The following PCDHGC3 variants were observed in gnomAD, a reference collection of about 807,000 sequenced individuals.
The protein encoded by PCDHGC3 is protocadherin gamma-C3.
PCDHGC3 carries 26 observed loss-of-function variants against 59.2 expected under a neutral mutation model. The ratio of observed to expected loss-of-function variants is 0.44; its 90% CI spans 0.32 to 0.61. The LOEUF (loss-of-function observed/expected upper bound fraction) is 0.61. Ranked by LOEUF, PCDHGC3 falls within the 20% of genes least tolerant of loss-of-function variation. The probability of loss-of-function intolerance (pLI) is 0.05; values close to 1 mark genes in which losing one functional copy is unlikely to be tolerated. For synonymous variants in PCDHGC3, 487 were observed against 519.7 expected, an observed-to-expected ratio of 0.94 and a Z score of 0.86; for missense variants, 1,080 against 1,221.8, an observed-to-expected ratio of 0.88 and a Z score of 1.73.
intron 2 of PCDHGC3, among the ~76,000 whole-genome samples, chr5:141,501,258 T>G (rs2099806611): frequency 1.3e-5 from 2 of 150,950 alleles, no homozygotes; most frequent in South Asian, 4.2e-4. Flanking sequence ...GGGAGTATTT[T>G]ATTATAGTCC....
At chr5:141,495,255 G>A (rs1055329757) in intron 2 of PCDHGC3, among the ~76,000 whole-genome samples, 5 of 152,212 alleles carry the variant, frequency 3.3e-5, no homozygotes, top group African/African-American at 1.2e-4. Flanking sequence ...GGCTCAGGCA[G>A]AAAAGCATTT....
chr5:141,501,715 C>G lies in PCDHGC3; in HGVS notation c.2490-3678C>G, dbSNP rs139761188. On this transcript the variant is annotated intron_variant, in intron 2 of 3. Coordinates refer to ENST00000308177, the MANE Select transcript of PCDHGC3 (RefSeq NM_002588.4). ...AGGGTGATTCCGAGGATAAAAAAGA[C>G]AAATATATTACCCAGTCAGCTTAGA... 1.3e-3 allele frequency among the ~76,000 whole-genome samples: 192 copies of G among 152,192 alleles called. 1 individual carries two copies. The highest frequency in any genetic ancestry group is 4.5e-3 in the African/African-American group (185 of 41,512).
In PCDHGC3 at chr5:141,477,510, A is replaced by G; in HGVS notation, c.1394A>G (p.Tyr465Cys). Residue 465 changes from tyrosine (Y) to cysteine (C), a missense_variant, in exon 1 of 4, where the codon TAC becomes TGC. By Grantham distance (194) the Tyr-to-Cys change is radical (BLOSUM62 -2). Transcript: ENST00000308177. This position sits in a 1 kb window ranked among gnomAD's most constrained non-coding sequence, Gnocchi z 4.9. ...PQSSQSSYDV[Y>C]IEENNLPGAP... is the part of the protein sequence containing the mutation. ...TCTTCTCAATCTTCCTACGACGTTT[A>G]CATTGAAGAAAACAACCTCCCCGGG... is the stretch of plus-strand genomic sequence containing the variant. 3 of 1,614,172 alleles carry G rather than the reference A, an allele frequency of 1.9e-6. No homozygotes were observed. Among genetic ancestry groups the G allele is most frequent in the Non-Finnish European group, 2.5e-6 (3 of 1,180,018 alleles).
chr5:141,511,411 A>T lies in PCDHGC3; in HGVS notation c.*238A>T. On this transcript the variant is annotated 3_prime_UTR_variant, in exon 4 of 4. Transcript: ENST00000308177. ...GAACCCCCATCCAATCAACTGCTGTACCCATGGGGGTAGTGGGGTTACTGT... is the reference window on the plus strand; with the variant it reads ...GAACCCCCATCCAATCAACTGCTGTTCCCATGGGGGTAGTGGGGTTACTGT... 1.1e-6 allele frequency: 1 copy of T among 901,334 alleles called. No individual in the cohort carries two copies. Among genetic ancestry groups the T allele is most frequent in the Non-Finnish European group, 1.6e-6 (1 of 617,750 alleles). 55.8% of individuals were successfully genotyped at this position (901,334 alleles called of 1,614,324 possible).
At position 141,491,733 on chromosome 5, in the gene PCDHGC3, TGGGGGCGGCAC is replaced by T; in HGVS notation, c.2431-3073_2431-3063del. 1.9e-6 allele frequency: 3 copies of T among 1,602,698 alleles called. No individual in the cohort carries two copies. The highest frequency in any genetic ancestry group is 2.6e-6 in the Non-Finnish European group (3 of 1,175,258). On this transcript the variant is annotated intron_variant, in intron 1 of 3. Coordinates refer to ENST00000308177, the MANE Select transcript of PCDHGC3 (RefSeq NM_002588.4). The surrounding 1 kb of genome is among the most constrained non-coding windows in gnomAD (Gnocchi z 6.9). ...GCTCGGCGCCGCCCCGGGCGACCCC[TGGGGGCGGCAC>T]TGGAGAAGCCGCCCGTCCTCATAAG...
At chr5:141,484,437 T>C (rs2099596528) in intron 1 of PCDHGC3, among the ~76,000 whole-genome samples, 1 of 152,232 alleles carries the variant, frequency 6.6e-6, no homozygotes, top group African/African-American at 2.4e-5. Context: ...ATGTACTGCA[T>C]AAATTTAATT....
chr5:141,482,503 C>A (rs375429072), intron 1 of PCDHGC3, among the ~76,000 whole-genome samples: 2 of 136,154 alleles, frequency 1.5e-5, no homozygotes, highest in South Asian at 4.4e-4. Context: ...CATTCTGGTA[C>A]CCAGAGTACA....
intron 1 of PCDHGC3, chr5:141,478,831 G>C: frequency 7.0e-7 from 1 of 1,435,672 alleles, no homozygotes; most frequent in Non-Finnish European, 9.1e-7. Flanking sequence ...ATCTTGCTAA[G>C]GGATGGTTAA....
intron 3 of PCDHGC3, among the ~76,000 whole-genome samples, chr5:141,506,300 T>G (rs2099852124): frequency 6.6e-6 from 1 of 151,976 alleles, no homozygotes; most frequent in East Asian, 1.9e-4. Flanking sequence ...AATACAAAAA[T>G]TAGCTGGGCA....
At position 141,485,402 on chromosome 5, in the gene PCDHGC3, G is replaced by T. The variant is rs375700791; in HGVS notation, c.2430+6856G>T. ...AGAGGTGAACCAAAGACACTTCCGTGTGGATTTGGACAGCGGAGCCCTGCT... is the reference window on the plus strand; with the variant it reads ...AGAGGTGAACCAAAGACACTTCCGTTTGGATTTGGACAGCGGAGCCCTGCT... On this transcript the variant is annotated intron_variant, in intron 1 of 3. Coordinates refer to ENST00000308177, the MANE Select transcript of PCDHGC3 (RefSeq NM_002588.4). This position sits in a 1 kb window ranked among gnomAD's most constrained non-coding sequence, Gnocchi z 5.7. The T allele has an allele frequency of 6.2e-7, 1 of 1,614,194 alleles. No homozygotes were observed. Among genetic ancestry groups the T allele is most frequent in the East Asian group, 2.2e-5 (1 of 44,878 alleles).
Position 141,491,711 on chromosome 5 carries a change from C to A in PCDHGC3, c.2431-3096C>A, listed in dbSNP as rs528931820. ...CGGGAGCGGAGCCAGGTGAGGGGCT[C>A]GGCGCCGCCCCGGGCGACCCCTGGG... On this transcript the variant is annotated intron_variant, in intron 1 of 3. Coordinates refer to ENST00000308177, the MANE Select transcript of PCDHGC3 (RefSeq NM_002588.4). The surrounding 1 kb of genome is among the most constrained non-coding windows in gnomAD (Gnocchi z 6.9). 1.3e-4 allele frequency: 217 copies of A among 1,609,356 alleles called. 3 individuals are homozygous for A. In the South Asian group the frequency reaches 2.2e-3, roughly 17 times the overall value.
At chr5:141,492,587 C>G (rs2154587748) in intron 1 of PCDHGC3, among the ~76,000 whole-genome samples, 1 of 152,314 alleles carries the variant, frequency 6.6e-6, no homozygotes, top group African/African-American at 2.4e-5. Flanking sequence ...GGGCCAGGAG[C>G]GCTGGAGCGA....
chr5:141,486,489 G>T lies in PCDHGC3; in HGVS notation c.2430+7943G>T. 2 of 1,614,060 alleles carry T rather than the reference G, an allele frequency of 1.2e-6. No homozygotes were observed. The highest frequency in any genetic ancestry group is 1.7e-6 in the Non-Finnish European group (2 of 1,179,892). ...GGGAACCCTCCTCTCAGTACCCACA[G>T]AACTATTTTCCTCAATATTTCAGAT... On this transcript the variant is annotated intron_variant, in intron 1 of 3. Coordinates refer to ENST00000308177, the MANE Select transcript of PCDHGC3 (RefSeq NM_002588.4). The surrounding 1 kb of genome is among the most constrained non-coding windows in gnomAD (Gnocchi z 5.0).
Position 141,475,989 on chromosome 5 carries a change from A to G in PCDHGC3, c.-128A>G. 8.8e-7 allele frequency: 1 copy of G among 1,130,622 alleles called. No individual in the cohort carries two copies. Among genetic ancestry groups the G allele is most frequent in the Non-Finnish European group, 1.3e-6 (1 of 799,554 alleles). 70.0% of individuals were successfully genotyped at this position (1,130,622 alleles called of 1,614,324 possible). A position where few individuals can be genotyped will look rare whatever the true frequency, so the allele number is the denominator to read the frequency against. On this transcript the variant is annotated 5_prime_UTR_variant, in exon 1 of 4. Coordinates refer to ENST00000308177, the MANE Select transcript of PCDHGC3 (RefSeq NM_002588.4). The stretch of plus-strand genomic sequence containing the variant: ...GCAGAGACTGAACAGCCGGCGAGCA[A>G]ATCAACGGCATCCAGAAAGCCATGT...
At chr5:141,492,500 C>G (rs2099741252) in intron 1 of PCDHGC3, among the ~76,000 whole-genome samples, 1 of 152,322 alleles carries the variant, frequency 6.6e-6, no homozygotes, top group South Asian at 2.1e-4. Flanking sequence ...GCGAGGACTC[C>G]GGAGCCTCCT....
chr5:141,482,753 G>A (rs2154579665), intron 1 of PCDHGC3, among the ~76,000 whole-genome samples: 1 of 127,136 alleles, frequency 7.9e-6, no homozygotes. Context: ...GAGGGATTAT[G>A]GTATTTCATT....
At position 141,486,778 on chromosome 5, in the gene PCDHGC3, G is replaced by A. The variant is rs750169906; in HGVS notation, c.2431-8029G>A. The A allele has an allele frequency of 1.2e-6, 2 of 1,614,104 alleles. No individual in the cohort carries two copies. Among genetic ancestry groups the A allele is most frequent in the Admixed American group, 1.7e-5 (1 of 60,006 alleles). ...AAACCCAGACACTGCAGTTTGAGGT[G>A]CAGGCCCGGGATCGGGGCAACCCAC... is the stretch of plus-strand genomic sequence containing the variant. On this transcript the variant is annotated intron_variant, in intron 1 of 3. Coordinates refer to ENST00000308177, the MANE Select transcript of PCDHGC3 (RefSeq NM_002588.4). This position sits in a 1 kb window ranked among gnomAD's most constrained non-coding sequence, Gnocchi z 5.0.
Position 141,491,834 on chromosome 5 carries a change from CG to C in PCDHGC3, c.2431-2970del. On this transcript the variant is annotated intron_variant, in intron 1 of 3. Transcript: ENST00000308177. This position sits in a 1 kb window ranked among gnomAD's most constrained non-coding sequence, Gnocchi z 6.9. ...CGCTGGCTGCGCTCCACCCGATTCT[CG>C]GGATCATTGGACCGTTTGCGCGAAA... 1 of 1,473,830 alleles carries C rather than the reference CG, an allele frequency of 6.8e-7. No homozygotes were observed. Among genetic ancestry groups the C allele is most frequent in the Middle Eastern group, 1.8e-4 (1 of 5,590 alleles). The allele number at this position is 1,473,830 out of a possible 1,614,324, so 91.3% of individuals were successfully genotyped here.
At chr5:141,503,478 C>T (rs1249372985) in intron 2 of PCDHGC3, among the ~76,000 whole-genome samples, 3 of 151,680 alleles carry the variant, frequency 2.0e-5, no homozygotes, top group East Asian at 1.9e-4. Context: ...GTGCACTTGT[C>T]GTCCCAGCTG....
Sources: gnomAD v4.1 joint callset for allele counts (sites outside exome capture counted in the v4.1 genomes callset) on GRCh38, gnomAD v4.1.1 for gene constraint, Gnocchi (gnomAD v3.1) non-coding constraint, MANE v1.5 for transcripts, NCBI Gene and HGNC (gene_info 2026-07-23, HGNC 2026-07-21) for gene names.